SMURF2: variants seen among roughly 807,000 people sequenced by gnomAD.
SMURF2 encodes SMAD specific E3 ubiquitin protein ligase 2.
A neutral mutation model predicts 109.6 loss-of-function variants in SMURF2; 48 were observed. The ratio of observed to expected loss-of-function variants is 0.44; its 90% CI spans 0.35 to 0.56. The LOEUF is 0.56. Ranked by LOEUF, SMURF2 falls within the 20% of genes least tolerant of loss-of-function variation. SMURF2 has a pLI of 0.01. For synonymous variants in SMURF2, 288 were observed against 317.1 expected (o/e 0.91, Z 0.97); for missense variants, 575 against 909.0 (o/e 0.63, Z 4.72).
intron 1 of SMURF2, among the ~76,000 whole-genome samples, chr17:64,640,562 A>G (rs1279079033): frequency 6.6e-6 from 1 of 152,158 alleles, no homozygotes; most frequent in East Asian, 1.9e-4. Context: ...AAATCATCCA[A>G]TTTACTTTTT....
chr17:64,602,469 TTAATAAAAAAA>T (rs1306086189), intron 2 of SMURF2, among the ~76,000 whole-genome samples: 1 of 152,192 alleles, frequency 6.6e-6, no homozygotes, highest in East Asian at 1.9e-4. Flanking sequence ...GTTCAATACC[TTAATAAAAAAA>T]TACATAGGTT....
intron 1 of SMURF2, among the ~76,000 whole-genome samples, chr17:64,652,881 AT>A (rs761287260): frequency 3.9e-5 from 6 of 152,364 alleles, no homozygotes; most frequent in Non-Finnish European, 8.8e-5. Context: ...TGAAAAAAAA[AT>A]CATGACACTT....
At chr17:64,619,946 C>CT (rs1270202619) in intron 1 of SMURF2, among the ~76,000 whole-genome samples, 8 of 152,196 alleles carry the variant, frequency 5.3e-5, no homozygotes, top group African/African-American at 1.9e-4. Flanking sequence ...GCCTCACTCT[C>CT]TTCCCAAGCT....
chr17:64,573,863 A>G (rs1283135419), intron 9 of SMURF2, among the ~76,000 whole-genome samples: 1 of 152,222 alleles, frequency 6.6e-6, no homozygotes, highest in Non-Finnish European at 1.5e-5. Context: ...TATCCTTAGC[A>G]AACTAAAGCA....
At chr17:64,619,340 T>C (rs1438133010) in intron 1 of SMURF2, among the ~76,000 whole-genome samples, 3 of 151,476 alleles carry the variant, frequency 2.0e-5, no homozygotes, top group African/African-American at 4.9e-5. Flanking sequence ...TTGCCAGGCA[T>C]GGTGGCATGT....
intron 2 of SMURF2, among the ~76,000 whole-genome samples, chr17:64,600,565 A>G (rs1969880379): frequency 6.6e-6 from 1 of 152,230 alleles, no homozygotes; most frequent in Admixed American, 6.5e-5. Flanking sequence ...TCTGTGATCT[A>G]TCGCTTCCAA....
At chr17:64,549,981 ACATAAAAGACACCT>A in intron 16 of SMURF2, among the ~76,000 whole-genome samples, 1 of 152,270 alleles carries the variant, frequency 6.6e-6, no homozygotes, top group Admixed American at 6.5e-5. Context: ...GTATTTAATG[ACATAAAAGACACCT>A]CCTAAATTCT....
At chr17:64,607,127 C>G (rs537796496) in intron 1 of SMURF2, among the ~76,000 whole-genome samples, 8 of 148,834 alleles carry the variant, frequency 5.4e-5, no homozygotes, top group Admixed American at 5.4e-4. Flanking sequence ...ACAGAAACTT[C>G]ATGGGAGAAA....
rs567774026 is a variant in SMURF2, at chr17:64,551,904, T to C, written c.1749-200A>G. The stretch of plus-strand genomic sequence containing the variant: ...GACACAGTTCAATGTTGATGAAAAG[T>C]GGTAAACTACTAACAAAAGCAGCAT... On this transcript the variant is annotated intron_variant, in intron 15 of 18. Transcript: ENST00000262435. Among the ~76,000 whole-genome samples, 22 of 152,272 alleles carry C rather than the reference T, an allele frequency of 1.4e-4. No individual in the cohort carries two copies. The East Asian group carries it at 3.9e-3, about 27-fold the overall frequency.
rs531367206 is a variant in SMURF2 at position 64,662,269 on chromosome 17, T to C, written c.-389A>G. 108 of 982,832 alleles carry C rather than the reference T, an allele frequency of 1.1e-4. 1 individual carries two copies. The African/African-American group carries it at 1.8e-3, about 16-fold the overall frequency. The allele number at this position is 982,832 out of a possible 1,614,324, so 60.9% of individuals were successfully genotyped here. A position where few individuals can be genotyped will look rare whatever the true frequency, so the allele number is the denominator to read the frequency against. On this transcript the variant is annotated 5_prime_UTR_variant, in exon 1 of 19. Coordinates refer to ENST00000262435, the MANE Select transcript of SMURF2 (RefSeq NM_022739.4). ...GCTCGGGGGCGCCGGAGCAGAACTC[T>C]GGGCTCGGCCGCTTCCTCCTCCACC... is the stretch of plus-strand genomic sequence containing the variant.
chr17:64,613,560 G>T (rs1970073554), intron 1 of SMURF2, among the ~76,000 whole-genome samples: 1 of 151,966 alleles, frequency 6.6e-6, no homozygotes, highest in African/African-American at 2.4e-5. Flanking sequence ...AATCTTGTTA[G>T]GTGGGCGAGG....
At position 64,617,434 on chromosome 17, in the gene SMURF2, T is replaced by A. The variant is rs77298806; in HGVS notation, c.53-10794A>T. Among the ~76,000 whole-genome samples, 117 of 152,286 alleles carry A rather than the reference T, an allele frequency of 7.7e-4. No homozygotes were observed. In the East Asian group the frequency reaches 0.021, roughly 27 times the overall value. ...TGAGGTAATTATCCTAAGAACAGTA[T>A]CAGCATTTAAACATTTCAACAAGGC... On this transcript the variant is annotated intron_variant, in intron 1 of 18. Transcript: ENST00000262435.
intron 12 of SMURF2, among the ~76,000 whole-genome samples, chr17:64,559,067 A>G (rs1318603346): frequency 6.6e-6 from 1 of 152,246 alleles, no homozygotes; most frequent in Non-Finnish European, 1.5e-5. Context: ...ACGTCTCCAC[A>G]TAAGCAGCCT....
At chr17:64,593,924 A>C in intron 3 of SMURF2, 1 of 157,836 alleles carries the variant, frequency 6.3e-6, no homozygotes, top group Non-Finnish European at 1.4e-5. Context: ...TTTTAAATAC[A>C]TGTCGATGAC....
intron 9 of SMURF2, among the ~76,000 whole-genome samples, chr17:64,575,740 G>T (rs1969480770): frequency 1.3e-5 from 2 of 151,906 alleles, no homozygotes; most frequent in African/African-American, 4.8e-5. Flanking sequence ...GGTTGTTCTG[G>T]GGGTTTGTTT....
chr17:64,571,344 C>T (rs1969396521), intron 10 of SMURF2, among the ~76,000 whole-genome samples: 1 of 152,008 alleles, frequency 6.6e-6, no homozygotes, highest in Non-Finnish European at 1.5e-5. Flanking sequence ...CAGAGTAAAC[C>T]TTGTCACACT....
At chr17:64,559,452 G>C (rs1555684321) in intron 12 of SMURF2, among the ~76,000 whole-genome samples, 1 of 151,850 alleles carries the variant, frequency 6.6e-6, no homozygotes, top group African/African-American at 2.4e-5. Flanking sequence ...AAATTAGCTA[G>C]GCGTGGTTGT....
At chr17:64,625,527 T>C (rs1555691080) in intron 1 of SMURF2, among the ~76,000 whole-genome samples, 1 of 152,258 alleles carries the variant, frequency 6.6e-6, no homozygotes, top group Non-Finnish European at 1.5e-5. Flanking sequence ...ATCTCTGTTT[T>C]ATGACACTAG....
At chr17:64,577,621 G>T (rs903172222) in intron 9 of SMURF2, among the ~76,000 whole-genome samples, 3 of 151,068 alleles carry the variant, frequency 2.0e-5, no homozygotes, top group Non-Finnish European at 3.0e-5. Context: ...AGAGAAATGG[G>T]GTCTTGCTCT....
Sources: gnomAD v4.1 joint callset for allele counts (sites outside exome capture counted in the v4.1 genomes callset) on GRCh38, gnomAD v4.1.1 for gene constraint, MANE v1.5 for transcripts, NCBI Gene and HGNC (gene_info 2026-07-23, HGNC 2026-07-21) for gene names.